MGAT4C: variants seen among roughly 807,000 people sequenced by gnomAD.
MGAT4C encodes alpha-1,3-mannosyl-glycoprotein 4-beta-N-acetylglucosaminyltransferase C.
Under a neutral mutation model 40.1 loss-of-function variants are expected in MGAT4C, and 19 were observed. That is an observed-to-expected ratio of 0.47 (90% CI 0.33 to 0.70). The LOEUF (loss-of-function observed/expected upper bound fraction) is 0.70, where lower values mean the gene tolerates loss of function less well. Ranked by LOEUF, MGAT4C falls within the 30% of genes least tolerant of loss-of-function variation. The pLI is 0.02. For missense variants in MGAT4C, 491 were observed against 563.2 expected (o/e 0.87, Z 1.30); for synonymous variants, 181 against 187.1 (o/e 0.97, Z 0.27).
rs548379986 is a variant in MGAT4C, at chr12:86,223,910, G to C, written c.-57+32329C>G. Reference sequence around the variant, plus strand: ...ACTACTATCACTAGCACTACCACTTGTGTTCCAGTGAGTTGCTCCACCACT... The same window carrying C: ...ACTACTATCACTAGCACTACCACTTCTGTTCCAGTGAGTTGCTCCACCACT... On this transcript the variant is annotated intron_variant, in intron 1 of 4. Transcript: ENST00000611864. Among the ~76,000 whole-genome samples the C allele has an allele frequency of 2.0e-5, 3 of 152,246 alleles. No homozygotes were observed. The East Asian group carries it at 5.8e-4, about 29-fold the overall frequency.
chr12:86,053,074 C>T (rs145791563), intron 1 of MGAT4C, among the ~76,000 whole-genome samples: 24 of 151,914 alleles, frequency 1.6e-4, no homozygotes, highest in Non-Finnish European at 2.8e-4. Context: ...TGGGGAAGTA[C>T]GAGTGTCAAT....
intron 1 of MGAT4C, among the ~76,000 whole-genome samples, chr12:86,253,631 C>T (rs2136082025): frequency 6.6e-6 from 1 of 151,894 alleles, no homozygotes; most frequent in South Asian, 2.1e-4. Context: ...AAATATACAC[C>T]TAAATATCCA....
chr12:86,413,313 T>G (rs1001889700), intron 3 of MGAT4C, among the ~76,000 whole-genome samples: 1 of 152,102 alleles, frequency 6.6e-6, no homozygotes, highest in Non-Finnish European at 1.5e-5. Flanking sequence ...TCTAAGTGAA[T>G]AGCTAATAGG....
At chr12:86,194,114 G>A (rs1889830951) in intron 1 of MGAT4C, among the ~76,000 whole-genome samples, 1 of 151,818 alleles carries the variant, frequency 6.6e-6, no homozygotes, top group Admixed American at 6.6e-5. Context: ...TCATCTTCCT[G>A]TTCACTAACT....
intron 3 of MGAT4C, among the ~76,000 whole-genome samples, chr12:86,337,973 A>C (rs1566300027): frequency 6.6e-6 from 1 of 152,174 alleles, no homozygotes; most frequent in Non-Finnish European, 1.5e-5. Context: ...AGCAGCAATC[A>C]TAAGAGAAAG....
chr12:86,473,183 C>T (rs937433673), intron 2 of MGAT4C, among the ~76,000 whole-genome samples: 1 of 152,138 alleles, frequency 6.6e-6, no homozygotes, highest in African/African-American at 2.4e-5. Flanking sequence ...TCACGAACTC[C>T]TGACCTCAAG....
intron 1 of MGAT4C, among the ~76,000 whole-genome samples, chr12:86,194,582 G>A (rs1265045335): frequency 6.6e-6 from 1 of 151,584 alleles, no homozygotes; most frequent in Non-Finnish European, 1.5e-5. Flanking sequence ...AGCCTCCCTA[G>A]TAGCTGGGAT....
chr12:86,274,202 G>A (rs547921060), intron 4 of MGAT4C, among the ~76,000 whole-genome samples: 55 of 152,128 alleles, frequency 3.6e-4, no homozygotes, highest in Non-Finnish European at 7.5e-4. Context: ...AGCACCAACC[G>A]GATGGTGCTA....
At chr12:86,089,924 T>A (rs1211045631) in intron 1 of MGAT4C, among the ~76,000 whole-genome samples, 1 of 151,798 alleles carries the variant, frequency 6.6e-6, no homozygotes, top group Non-Finnish European at 1.5e-5. Flanking sequence ...TAAAATGCAC[T>A]ATAAACATAT....
chr12:86,343,794 A>C (rs1037316154), intron 3 of MGAT4C, among the ~76,000 whole-genome samples: 8 of 152,208 alleles, frequency 5.3e-5, no homozygotes, highest in African/African-American at 1.7e-4. Context: ...AGCCTCATTC[A>C]GTTAATTCTT....
rs73387209 is a variant in MGAT4C at position 86,341,304 on chromosome 12, C to A, written c.-119-7177G>T. 3.3e-3 allele frequency among the ~76,000 whole-genome samples: 503 copies of A among 152,278 alleles called. 2 individuals carry two copies. The highest frequency in any genetic ancestry group is 0.012 in the African/African-American group (487 of 41,550). On this transcript the variant is annotated intron_variant, in intron 3 of 7. Transcript: ENST00000548651. ...AGGGTCAAAAGATCTCCTTGTGAAC[C>A]CACTCCACTAGGGCCTTCAATCTTC...
At chr12:86,756,915 A>G (rs746063821) in intron 1 of MGAT4C, among the ~76,000 whole-genome samples, 2 of 152,198 alleles carry the variant, frequency 1.3e-5, no homozygotes, top group African/African-American at 2.4e-5. Flanking sequence ...TTTGCTTCAA[A>G]TGTATAACAA....
intron 1 of MGAT4C, among the ~76,000 whole-genome samples, chr12:86,152,623 A>G (rs12425743): frequency 0.067 from 10,223 of 152,272 alleles, 545 homozygotes; most frequent in Admixed American, 0.15. Flanking sequence ...TTCCCATCGT[A>G]TATCACACAG....
chr12:86,551,365 C>A (rs1959351769), intron 2 of MGAT4C, among the ~76,000 whole-genome samples: 1 of 152,130 alleles, frequency 6.6e-6, no homozygotes, highest in African/African-American at 2.4e-5. Context: ...TTAGAAACAG[C>A]CCTGTGGACT....
intron 1 of MGAT4C, among the ~76,000 whole-genome samples, chr12:86,190,376 ATAAT>A (rs757028835): frequency 1.3e-5 from 2 of 152,166 alleles, no homozygotes; most frequent in East Asian, 1.9e-4. Flanking sequence ...TCAAATTGGC[ATAAT>A]TAAAGTGTGT....
rs1032399476 is a variant in MGAT4C, at chr12:86,468,422, T to G, written c.-228-33157A>C. Among the ~76,000 whole-genome samples, 5 of 152,270 alleles carry G rather than the reference T, an allele frequency of 3.3e-5. No individual in the cohort carries two copies. The South Asian group carries it at 1.0e-3, about 32-fold the overall frequency. On this transcript the variant is annotated intron_variant, in intron 2 of 7. Coordinates refer to the MGAT4C transcript ENST00000548651. ...CTAGCACAGTGCCCCCTATGTCATTTTATCTTCCCAGAGATTTTTCCATAG... is the reference window on the plus strand; with the variant it reads ...CTAGCACAGTGCCCCCTATGTCATTGTATCTTCCCAGAGATTTTTCCATAG...
At chr12:86,297,174 T>C (rs575020260) in intron 4 of MGAT4C, among the ~76,000 whole-genome samples, 1 of 152,308 alleles carries the variant, frequency 6.6e-6, no homozygotes, top group Admixed American at 6.5e-5. Flanking sequence ...ATTTTCACCA[T>C]TGACAAGGTG....
chr12:86,313,782 A>G (rs1283009792), intron 4 of MGAT4C, among the ~76,000 whole-genome samples: 3 of 152,204 alleles, frequency 2.0e-5, no homozygotes, highest in Non-Finnish European at 4.4e-5. Context: ...CTGGTGACAA[A>G]TATTAGTATT....
chr12:85,983,703 T>C lies in MGAT4C; in HGVS notation c.148-33A>G, dbSNP rs781608679. 5 of 1,477,594 alleles carry C rather than the reference T, an allele frequency of 3.4e-6. No individual in the cohort carries two copies. The South Asian group carries it at 5.3e-5, about 16-fold the overall frequency. The allele number at this position is 1,477,594 out of a possible 1,614,324, so 91.5% of individuals were successfully genotyped here. On this transcript the variant is annotated intron_variant, in intron 3 of 4. Coordinates refer to ENST00000611864, the MANE Select transcript of MGAT4C (RefSeq NM_001351288.2). The stretch of plus-strand genomic sequence containing the variant: ...CCAAGAAAGAAGCAAGGAAAATATA[T>C]AAATAATAGATGGTCATGGATTAAA...
Sources: allele counts gnomAD v4.1 joint callset (sites outside exome capture counted in the v4.1 genomes callset), GRCh38; gene constraint gnomAD v4.1.1; transcripts MANE v1.5; gene names NCBI Gene and HGNC (gene_info 2026-07-23, HGNC 2026-07-21).